The following LEKR1 variants were observed in gnomAD, a reference collection of about 807,000 sequenced individuals.
LEKR1 encodes the protein protein LEKR1.
Under a neutral mutation model 72.4 loss-of-function variants are expected in LEKR1, and 59 were observed. The observed-to-expected ratio is 0.82, with a 90% CI of 0.66 to 1.01. The LOEUF is 1.01. Among genes scored for constraint, LEKR1 ranks in the 50% least tolerant of loss-of-function variants. The pLI is 0.00. For missense variants in LEKR1, 728 were observed against 759.2 expected (o/e 0.96, Z 0.48); for synonymous variants, 257 against 263.2 (o/e 0.98, Z 0.23).
At chr3:156,939,147 C>T (rs946682118) in intron 5 of LEKR1, among the ~76,000 whole-genome samples, 1 of 152,184 alleles carries the variant, frequency 6.6e-6, no homozygotes, top group Non-Finnish European at 1.5e-5. Context: ...TCCTAATCTC[C>T]AGTACCTCCT....
At chr3:156,863,630 A>G (rs868062699) in intron 3 of LEKR1, among the ~76,000 whole-genome samples, 3 of 152,134 alleles carry the variant, frequency 2.0e-5, no homozygotes, top group Non-Finnish European at 4.4e-5. Flanking sequence ...TGACTAAAGT[A>G]TGATCCACAA....
intron 3 of LEKR1, among the ~76,000 whole-genome samples, chr3:156,863,477 G>C (rs1217735057): frequency 1.3e-5 from 2 of 152,014 alleles, no homozygotes; most frequent in Non-Finnish European, 2.9e-5. Context: ...TTAAGAACAG[G>C]TTAATTTTTA....
chr3:156,914,852 G>A (rs1043896908), intron 3 of LEKR1, among the ~76,000 whole-genome samples: 17 of 152,020 alleles, frequency 1.1e-4, no homozygotes, highest in Non-Finnish European at 2.1e-4. Context: ...GTAAACTTGT[G>A]TATGGGGGTT....
At chr3:156,870,734 G>A (rs1717827389) in intron 3 of LEKR1, among the ~76,000 whole-genome samples, 1 of 152,036 alleles carries the variant, frequency 6.6e-6, no homozygotes, top group South Asian at 2.1e-4. Flanking sequence ...TAGTGAAAGT[G>A]TGTATCCTTG....
chr3:157,038,527 A>G (rs1735120228), intron 12 of LEKR1, among the ~76,000 whole-genome samples: 1 of 152,308 alleles, frequency 6.6e-6, no homozygotes, highest in East Asian at 1.9e-4. Flanking sequence ...CCAGAGGATG[A>G]GGTAATAGAG....
intron 2 of LEKR1, among the ~76,000 whole-genome samples, chr3:156,841,497 G>A (rs1362185879): frequency 6.6e-6 from 1 of 152,136 alleles, no homozygotes; most frequent in African/African-American, 2.4e-5. Context: ...ACAGAGAAGT[G>A]GGGACACCAA....
intron 12 of LEKR1, among the ~76,000 whole-genome samples, chr3:157,030,594 G>A (rs572911369): frequency 6.6e-6 from 1 of 152,302 alleles, no homozygotes; most frequent in South Asian, 2.1e-4. Context: ...ATTGCTACGT[G>A]ACAAATTACC....
rs527864563 is a variant in LEKR1, at chr3:156,927,921, A to C, written c.559+317A>C. Among the ~76,000 whole-genome samples, 10 of 152,134 alleles carry C rather than the reference A, an allele frequency of 6.6e-5. No individual in the cohort carries two copies. The East Asian group carries it at 1.7e-3, about 26-fold the overall frequency. ...GCTCATATTAGGTCAGCCTTCTTAT[A>C]GATAACAACTTTAATTCTAGAAAAA... On this transcript the variant is annotated intron_variant, in intron 5 of 12. Coordinates refer to ENST00000356539, the MANE Select transcript of LEKR1 (RefSeq NM_001004316.3).
chr3:156,893,501 A>G (rs948025773), intron 3 of LEKR1, among the ~76,000 whole-genome samples: 3 of 151,946 alleles, frequency 2.0e-5, no homozygotes, highest in African/African-American at 4.8e-5. Context: ...GCCTGGTGGG[A>G]GATATTTAGG....
intron 1 of LEKR1, 93 bp from the exon 2 acceptor site, chr3:156,829,193 C>G: frequency 1.7e-6 from 1 of 582,738 alleles, no homozygotes; most frequent in Non-Finnish European, 3.1e-6. Context: ...TATCACCATT[C>G]ATCCCCAAAT....
intron 2 of LEKR1, among the ~76,000 whole-genome samples, chr3:156,832,692 A>G (rs1712577763): frequency 2.0e-5 from 3 of 152,226 alleles, no homozygotes; most frequent in Admixed American, 2.0e-4. Flanking sequence ...AGGTCCCACA[A>G]TAACTTGGGA....
intron 3 of LEKR1, among the ~76,000 whole-genome samples, chr3:156,867,690 T>G (rs1201785161): frequency 6.6e-6 from 1 of 152,062 alleles, no homozygotes. Context: ...TATACTGTCT[T>G]ATTTTGTATT....
At chr3:156,987,483 G>C (rs1417368449) in intron 7 of LEKR1, among the ~76,000 whole-genome samples, 2 of 152,120 alleles carry the variant, frequency 1.3e-5, no homozygotes, top group Non-Finnish European at 2.9e-5. Context: ...GTTGTGGTAG[G>C]GCTGCTGAAT....
intron 2 of LEKR1, among the ~76,000 whole-genome samples, chr3:156,846,508 G>C (rs1226912166): frequency 6.6e-6 from 1 of 151,910 alleles, no homozygotes; most frequent in Admixed American, 6.6e-5. Context: ...AAATAAGCAG[G>C]TTAACTTAAT....
At chr3:156,948,638 A>G (rs1726888887) in intron 6 of LEKR1, among the ~76,000 whole-genome samples, 1 of 151,458 alleles carries the variant, frequency 6.6e-6, no homozygotes, top group Admixed American at 6.6e-5. Flanking sequence ...ATTTGCATGC[A>G]TGTGTCTTTG....
At chr3:157,026,065 A>C (rs1317979715) in intron 11 of LEKR1, among the ~76,000 whole-genome samples, 1 of 151,084 alleles carries the variant, frequency 6.6e-6, no homozygotes, top group Non-Finnish European at 1.5e-5. Context: ...GAAAAAAAAA[A>C]ATCTTAGTGA....
chr3:156,895,229 G>A (rs1448469534), intron 3 of LEKR1, among the ~76,000 whole-genome samples: 1 of 152,178 alleles, frequency 6.6e-6, no homozygotes, highest in Admixed American at 6.5e-5. Context: ...CAAAGGACAT[G>A]AACAGACGTT....
At chr3:156,953,448 A>G (rs1240597107) in intron 6 of LEKR1, among the ~76,000 whole-genome samples, 1 of 151,608 alleles carries the variant, frequency 6.6e-6, no homozygotes, top group Non-Finnish European at 1.5e-5. Flanking sequence ...ATCTCATCCT[A>G]TCACCTAGGT....
chr3:157,014,201 T>G (rs985885711), intron 10 of LEKR1, among the ~76,000 whole-genome samples: 2 of 152,084 alleles, frequency 1.3e-5, no homozygotes, highest in African/African-American at 4.8e-5. Flanking sequence ...CACTATCACT[T>G]TTTAGTGCAA....
Sources: allele counts gnomAD v4.1 joint callset (sites outside exome capture counted in the v4.1 genomes callset), GRCh38; gene constraint gnomAD v4.1.1; transcripts MANE v1.5; gene names NCBI Gene and HGNC (gene_info 2026-07-23, HGNC 2026-07-21).